The following ZNF746 variants were observed in gnomAD, a reference collection of about 807,000 sequenced individuals.
The protein encoded by ZNF746 is parkin-interacting substrate.
ZNF746 carries 13 observed loss-of-function variants against 41.0 expected under a neutral mutation model. The ratio of observed to expected loss-of-function variants is 0.32; its 90% CI spans 0.21 to 0.50. ZNF746 has a LOEUF of 0.50. ZNF746 is among the 20% of genes least tolerant of loss of function. The probability of loss-of-function intolerance (pLI) is 0.98; values close to 1 mark genes in which losing one functional copy is unlikely to be tolerated. For missense variants in ZNF746, 811 were observed against 922.9 expected (o/e 0.88, Z 1.57); for synonymous variants, 424 against 396.2 (o/e 1.07, Z -0.83).
chr7:149,479,236 T>C (rs1211249901), intron 4 of ZNF746, among the ~76,000 whole-genome samples: 2 of 152,092 alleles, frequency 1.3e-5, no homozygotes, highest in African/African-American at 2.4e-5. Context: ...TCATGTGAAA[T>C]GGAACCACAG....
chr7:149,476,787 T>C (rs1800315136), intron 6 of ZNF746, 135 bp downstream of exon 6: 1 of 1,195,586 alleles, frequency 8.4e-7, no homozygotes, highest in Non-Finnish European at 1.2e-6. Context: ...GTGCAAAGGG[T>C]CATAAGAGTG....
intron 4 of ZNF746, chr7:149,488,014 A>C (rs983104412): frequency 1.3e-5 from 2 of 152,220 alleles, no homozygotes; most frequent in African/African-American, 4.8e-5. Context: ...GCTTATTATG[A>C]AGCTAAAAGA....
In ZNF746 at chr7:149,491,289, G is replaced by C. The variant is rs558728494; in HGVS notation, c.565+1570C>G. ...TGCTGAACATCATACGGTGCAGCTA[G>C]AGAGTGTTACAGGGTCTTACCAGCA... On this transcript the variant is annotated intron_variant, in intron 4 of 6. Transcript: ENST00000458143. The C allele has an allele frequency of 2.0e-5, 3 of 153,354 alleles. No homozygotes were observed. The South Asian group carries it at 6.1e-4, about 31-fold the overall frequency. 9.5% of individuals were successfully genotyped at this position (153,354 alleles called of 1,614,324 possible). A position where few individuals can be genotyped will look rare whatever the true frequency, so the allele number is the denominator to read the frequency against.
chr7:149,494,221 T>G lies in ZNF746; in HGVS notation c.307A>C (p.Lys103Gln), dbSNP rs1485693291. The G allele has an allele frequency of 1.9e-6, 3 of 1,614,034 alleles. No individual in the cohort carries two copies. Among genetic ancestry groups the G allele is most frequent in the Non-Finnish European group, 2.5e-6 (3 of 1,180,010 alleles). Residue 103 changes from lysine to glutamine, a missense_variant, in exon 2 of 7, where the codon AAG becomes CAG. By Grantham distance (53) the Lys-to-Gln change is moderately conservative (BLOSUM62 1). Around this residue, in one of 4 missense-constraint regions of ZNF746, gnomAD observed 147 missense variants for 233.4 expected, o/e 0.63. Coordinates refer to ENST00000458143, the MANE Select transcript of ZNF746 (RefSeq NM_001394198.1). This position sits in a 1 kb window ranked among gnomAD's most constrained non-coding sequence, Gnocchi z 5.6. ...AGGGCTACCTTAGGGGACTCCCCCT[T>G]GCTGCCCGGGGGCAGCCGCAGGATC... The part of the protein sequence containing the change: ...FWILRLPPGS[K>Q]GESPKVPVTF...
In ZNF746 at chr7:149,475,120, A is replaced by G. The variant is rs751881215; in HGVS notation, c.1247T>C (p.Leu416Pro). 2.7e-5 allele frequency: 43 copies of G among 1,611,276 alleles called. 1 individual carries two copies. Among genetic ancestry groups the G allele is most frequent in the Non-Finnish European group, 2.5e-6 (3 of 1,179,442 alleles). The change falls in exon 7 of 7, where the codon CTT becomes CCT. Residue 416 changes from leucine (L) to proline (P), a missense_variant. Transcript: ENST00000458143. ...TCCGTTGTCCGGGGAGGAGTAAGGA[A>G]GCCCCTCGGGCCCCGTCCTCGGGTT... Reference protein sequence around the residue: ...GLNPRTGPEGLPYSSPDNGEA... With the variant: ...GLNPRTGPEGPPYSSPDNGEA...
intron 1 of ZNF746, among the ~76,000 whole-genome samples, chr7:149,496,005 G>A (rs952624449): frequency 3.3e-5 from 5 of 152,018 alleles, no homozygotes; most frequent in Admixed American, 3.3e-4. Context: ...TAAGGCCACT[G>A]TTCCTTCCCT....
At chr7:149,484,553 T>C (rs1800567232) in intron 4 of ZNF746, among the ~76,000 whole-genome samples, 2 of 152,172 alleles carry the variant, frequency 1.3e-5, no homozygotes, top group Admixed American at 1.3e-4. Flanking sequence ...GTAAACAAAA[T>C]CTTTAGCAAA....
chr7:149,482,230 C>T (rs1456278720), intron 4 of ZNF746, among the ~76,000 whole-genome samples: 2 of 152,132 alleles, frequency 1.3e-5, no homozygotes, highest in African/African-American at 4.8e-5. Context: ...TAAAGATTTT[C>T]AGACTAAAAC....
Position 149,474,795 on chromosome 7 carries a change from G to T in ZNF746, c.1572C>A (p.Ser524Arg). ...GSGGGSARDG[S>R]ALRCGECGRC... Reference sequence around the variant, plus strand: ...GGCCGCACTCCCCACACCGAAGGGCGCTGCCATCCCGTGCGCTGCCCCCAC... The same window carrying T: ...GGCCGCACTCCCCACACCGAAGGGCTCTGCCATCCCGTGCGCTGCCCCCAC... The change falls in exon 7 of 7, where the codon AGC (serine) becomes AGA (arginine). Residue 524 changes from serine (S) to arginine (R), a missense_variant. Transcript: ENST00000458143. The surrounding 1 kb of genome is among the most constrained non-coding windows in gnomAD (Gnocchi z 6.3). 6.5e-7 allele frequency: 1 copy of T among 1,533,642 alleles called. No individual in the cohort carries two copies. The highest frequency in any genetic ancestry group is 8.7e-7 in the Non-Finnish European group (1 of 1,143,914).
At chr7:149,483,116 T>G (rs1354431664) in intron 4 of ZNF746, among the ~76,000 whole-genome samples, 2 of 152,188 alleles carry the variant, frequency 1.3e-5, no homozygotes, top group Admixed American at 6.5e-5. Context: ...CAATTAAGTT[T>G]GAAATCAATA....
In ZNF746 at chr7:149,474,289, G is replaced by A. The variant is rs984081972; in HGVS notation, c.*95C>T. Reference sequence around the variant, plus strand: ...GCAACTTGGACATTTGGTTCTCCCCGTCCCGCGTCTGCCTGAAGCTTCCAC... The same window carrying A: ...GCAACTTGGACATTTGGTTCTCCCCATCCCGCGTCTGCCTGAAGCTTCCAC... On this transcript the variant is annotated 3_prime_UTR_variant, in exon 7 of 7. Transcript: ENST00000458143. This position sits in a 1 kb window ranked among gnomAD's most constrained non-coding sequence, Gnocchi z 6.3. The A allele has an allele frequency of 5.4e-5, 76 of 1,420,190 alleles. No homozygotes were observed. Among genetic ancestry groups the A allele is most frequent in the Non-Finnish European group, 6.3e-5 (66 of 1,043,188 alleles). 88.0% of individuals were successfully genotyped at this position (1,420,190 alleles called of 1,614,324 possible).
At chr7:149,477,082 G>A (rs1585721780) in intron 5 of ZNF746, 35 bp from the exon 6 acceptor site, 2 of 1,586,376 alleles carry the variant, frequency 1.3e-6, no homozygotes, top group Non-Finnish European at 1.7e-6. Context: ...GGTGGGTTAG[G>A]GGACGGACGG....
Position 149,497,374 on chromosome 7 carries a change from CCCATTCG to C in ZNF746, c.24+132_24+138del. ...CAGTAGGCCCCGGCGGACCCCGCGC[CCCATTCG>C]CGGGAGCCCCAGGCCCGGTGGTCCG... On this transcript the variant is annotated intron_variant, in intron 1 of 6. Coordinates refer to ENST00000458143, the MANE Select transcript of ZNF746 (RefSeq NM_001394198.1). This position sits in a 1 kb window ranked among gnomAD's most constrained non-coding sequence, Gnocchi z 4.2. 2.0e-6 allele frequency: 2 copies of C among 991,304 alleles called. No individual in the cohort carries two copies. The highest frequency in any genetic ancestry group is 2.4e-6 in the Non-Finnish European group (2 of 828,614). 61.4% of individuals were successfully genotyped at this position (991,304 alleles called of 1,614,324 possible).
At chr7:149,476,539 A>G (rs566144449) in intron 6 of ZNF746, among the ~76,000 whole-genome samples, 1 of 152,308 alleles carries the variant, frequency 6.6e-6, no homozygotes, top group Admixed American at 6.5e-5. Context: ...ATCGGCCTTC[A>G]GACACCTGTC....
In ZNF746 at chr7:149,477,635, A is replaced by G. The variant is rs762370014; in HGVS notation, c.686T>C (p.Ile229Thr). The change falls in exon 5 of 7, where the codon ATT (isoleucine) becomes ACT (threonine). Residue 229 changes from isoleucine to threonine, a missense_variant. Around this residue, in one of 4 missense-constraint regions of ZNF746, gnomAD observed 495 missense variants for 481.6 expected, o/e 1.03. Coordinates refer to ENST00000458143, the MANE Select transcript of ZNF746 (RefSeq NM_001394198.1). The part of the protein sequence containing the change: ...VEAWAAGQPD[I>T]GEEPWGLSQL... ...GCTGAGGCCCCAGGGCTCCTCCCCA[A>G]TATCTGGCTGCCCGGCTGCCCACGC... is the stretch of plus-strand genomic sequence containing the variant. The G allele has an allele frequency of 1.6e-5, 26 of 1,613,892 alleles. No individual in the cohort carries two copies. In the Admixed American group the frequency reaches 3.7e-4, roughly 23 times the overall value.
rs1158159980 is a variant in ZNF746 at position 149,494,651 on chromosome 7, T to C, written c.25-148A>G. The C allele has an allele frequency of 8.7e-6, 7 of 804,250 alleles. No homozygotes were observed. Among genetic ancestry groups the C allele is most frequent in the Admixed American group, 2.9e-5 (1 of 34,992 alleles). The allele number at this position is 804,250 out of a possible 1,614,324, so 49.8% of individuals were successfully genotyped here. A position where few individuals can be genotyped will look rare whatever the true frequency, so the allele number is the denominator to read the frequency against. On this transcript the variant is annotated intron_variant, in intron 1 of 6. Transcript: ENST00000458143. This position sits in a 1 kb window ranked among gnomAD's most constrained non-coding sequence, Gnocchi z 5.6. Reference sequence around the variant, plus strand: ...CCTATACCACATGCCAGATCTCAGGTTGGCCATCACCTGCTTGGGTATGTT... The same window carrying C: ...CCTATACCACATGCCAGATCTCAGGCTGGCCATCACCTGCTTGGGTATGTT...
chr7:149,486,200 G>A (rs964372734), intron 4 of ZNF746, among the ~76,000 whole-genome samples: 2 of 152,042 alleles, frequency 1.3e-5, no homozygotes, highest in Admixed American at 6.5e-5. Context: ...CCCACCAAAC[G>A]GGCAGAAATA....
chr7:149,474,456 G>A lies in ZNF746; in HGVS notation c.1911C>T (p.Ala637=), dbSNP rs370782982. Residue 637 remains alanine, a synonymous_variant, in exon 7 of 7, where the codon GCC becomes GCT. Coordinates refer to ENST00000458143, the MANE Select transcript of ZNF746 (RefSeq NM_001394198.1). This position sits in a 1 kb window ranked among gnomAD's most constrained non-coding sequence, Gnocchi z 6.3. ...FKSPASKGPL[A]STDLVTDWTC... ...TCCAGTCGGTCACAAGGTCTGTGGA[G>A]GCCAAAGGTCCTTTGGAGGCGGGGC... 15 of 1,611,606 alleles carry A rather than the reference G, an allele frequency of 9.3e-6. No homozygotes were observed. The highest frequency in any genetic ancestry group is 2.7e-5 in the African/African-American group (2 of 74,898).
chr7:149,477,465 G>A, intron 5 of ZNF746, 99 bp downstream of exon 5: 1 of 1,358,936 alleles, frequency 7.4e-7, no homozygotes, highest in East Asian at 2.3e-5. Flanking sequence ...GGCCGGAAGT[G>A]TTGAGGGCCC....
Sources: gnomAD v4.1 joint callset for allele counts (sites outside exome capture counted in the v4.1 genomes callset) on GRCh38, gnomAD v4.1.1 for gene constraint, gnomAD v4.1.1 regional missense constraint, Gnocchi (gnomAD v3.1) non-coding constraint, MANE v1.5 for transcripts, NCBI Gene and HGNC (gene_info 2026-07-23, HGNC 2026-07-21) for gene names.